The following DNAH8 variants were observed in gnomAD, a reference collection of about 807,000 sequenced individuals.
The protein encoded by DNAH8 is dynein axonemal heavy chain 8.
DNAH8 carries 382 observed loss-of-function variants against 562.1 expected under a neutral mutation model. The ratio of observed to expected loss-of-function variants is 0.68; its 90% confidence interval spans 0.63 to 0.74. The LOEUF is 0.74. Among genes scored for constraint, DNAH8 ranks in the 30% least tolerant of loss-of-function variants. The probability of loss-of-function intolerance (pLI) is 0.00; values close to 1 mark genes in which losing one functional copy is unlikely to be tolerated. For missense variants in DNAH8, 5,203 were observed against 5,620.4 expected (o/e 0.93, Z 2.37); for synonymous variants, 1,881 against 1,919.4 (o/e 0.98, Z 0.52).
At chr6:38,911,129 G>A (rs561759405) in intron 65 of DNAH8, among the ~76,000 whole-genome samples, 1 of 152,314 alleles carries the variant, frequency 6.6e-6, no homozygotes, top group South Asian at 2.1e-4. Flanking sequence ...GAACCTTAAA[G>A]TTTTGCACTG....
At chr6:38,920,153 C>T (rs1226742923) in intron 70 of DNAH8, among the ~76,000 whole-genome samples, 1 of 151,820 alleles carries the variant, frequency 6.6e-6, no homozygotes, top group Non-Finnish European at 1.5e-5. Flanking sequence ...TCATTCTGGC[C>T]CCCAGGCTGG....
rs182335901 is a variant in DNAH8 at position 38,938,800 on chromosome 6, C to T, written c.11819C>T (p.Ser3940Phe). Reference sequence around the variant, plus strand: ...TTGATTCTTAAAATGTGTTTCAGATCTGAAAAGTCACCACTACCTCAAAAG... The same window carrying T: ...TTGATTCTTAAAATGTGTTTCAGATTTGAAAAGTCACCACTACCTCAAAAG... Reference protein sequence around the residue: ...LKLFDQSMARSEKSPLPQKRI... With the variant: ...LKLFDQSMARFEKSPLPQKRI... The change falls in exon 79 of 93, where the codon TCT becomes TTT. Residue 3940 changes from serine to phenylalanine, a missense_variant and splice_region_variant. Ser to Phe is a radical substitution (Grantham distance 155, BLOSUM62 -2). Coordinates refer to ENST00000327475, the MANE Select transcript of DNAH8 (RefSeq NM_001206927.2). The T allele has an allele frequency of 2.5e-6, 4 of 1,593,516 alleles. No homozygotes were observed. The Admixed American group carries it at 7.2e-5, about 29-fold the overall frequency.
chr6:38,927,055 A>G lies in DNAH8; in HGVS notation c.11118+845A>G, dbSNP rs1272026249. On this transcript the variant is annotated intron_variant, in intron 74 of 92. Coordinates refer to ENST00000327475, the MANE Select transcript of DNAH8 (RefSeq NM_001206927.2). ...TTTTGGCCAAGTTTTATTCATCTTT[A>G]CATGTTCTGCACTGCTCTTTTTGAG... is the stretch of plus-strand genomic sequence containing the variant. Among the ~76,000 whole-genome samples the G allele has an allele frequency of 4.6e-5, 7 of 152,274 alleles. No individual in the cohort carries two copies. The East Asian group carries it at 1.4e-3, about 29-fold the overall frequency.
At position 38,915,492 on chromosome 6, in the gene DNAH8, C is replaced by G. The variant is rs367711474; in HGVS notation, c.10140+115C>G. 7.1e-5 allele frequency: 65 copies of G among 910,380 alleles called. No individual in the cohort carries two copies. The South Asian group carries it at 2.2e-3, about 31-fold the overall frequency. The allele number at this position is 910,380 out of a possible 1,614,324, so 56.4% of individuals were successfully genotyped here. The stretch of plus-strand genomic sequence containing the variant: ...GAATTCTTAATGTGATTGATAATCT[C>G]TGAGTCTGGAAACAAATGTGTCAAT... On this transcript the variant is annotated intron_variant, in intron 68 of 92. Transcript: ENST00000327475.
intron 38 of DNAH8, 104 bp from the exon 39 acceptor site, chr6:38,851,468 G>T: frequency 1.5e-6 from 1 of 674,988 alleles, no homozygotes; most frequent in Non-Finnish European, 2.5e-6. Flanking sequence ...TTAGGTGTTT[G>T]CTATTATCTT....
chr6:38,991,344 G>A (rs1764772418), intron 88 of DNAH8, among the ~76,000 whole-genome samples: 1 of 152,228 alleles, frequency 6.6e-6, no homozygotes, highest in African/African-American at 2.4e-5. Flanking sequence ...GTTCGTTAGT[G>A]GCAGCTCTTG....
chr6:38,794,730 A>G (rs1306193359), intron 21 of DNAH8, among the ~76,000 whole-genome samples: 1 of 152,208 alleles, frequency 6.6e-6, no homozygotes, highest in African/African-American at 2.4e-5. Flanking sequence ...GTTGTGACAC[A>G]TTCGTTCTTT....
chr6:38,826,415 T>A, intron 29 of DNAH8, 24 bp downstream of exon 29: 1 of 1,479,506 alleles, frequency 6.8e-7, no homozygotes, highest in East Asian at 2.3e-5. Flanking sequence ...GCATTTTTTT[T>A]TCTTGGAATG....
Position 39,030,285 on chromosome 6 carries a change from C to G in DNAH8, c.14017C>G (p.Pro4673Ala), listed in dbSNP as rs144993102. 2 of 1,614,124 alleles carry G rather than the reference C, an allele frequency of 1.2e-6. No homozygotes were observed. Among genetic ancestry groups the G allele is most frequent in the Admixed American group, 1.7e-5 (1 of 60,014 alleles). ...KLYVCPIYKK[P>A]RRTDLTFITV... ...GTATGTGTGTCCTATTTACAAGAAA[C>G]CCAGGCGAACTGATTTGACCTTCAT... The change falls in exon 93 of 93, where the codon CCC (proline) becomes GCC (alanine). Residue 4673 changes from proline (P) to alanine (A), a missense_variant. Pro to Ala is a conservative substitution (Grantham distance 27). Around this residue, in one of 6 missense-constraint regions of DNAH8, gnomAD observed 1,399 missense variants for 1,518.4 expected, o/e 0.92. Transcript: ENST00000327475.
chr6:39,013,854 AAGAGAGAGAGAG>A (rs771882353), intron 91 of DNAH8, among the ~76,000 whole-genome samples: 1 of 150,696 alleles, frequency 6.6e-6, no homozygotes, highest in African/African-American at 2.4e-5. Flanking sequence ...CTATCTAAAA[AAGAGAGAGAGAG>A]AGAGAAAGAG....
intron 58 of DNAH8, among the ~76,000 whole-genome samples, chr6:38,891,839 C>A (rs980409574): frequency 6.6e-6 from 1 of 152,198 alleles, no homozygotes; most frequent in Non-Finnish European, 1.5e-5. Flanking sequence ...TTGGATGTTT[C>A]CTGGCTCCAT....
rs771989611 is a variant in DNAH8, at chr6:38,873,081, C to G, written c.7413C>G (p.Ala2471=). The change falls in exon 51 of 93, where the codon GCC becomes GCG. Residue 2471 remains alanine, a synonymous_variant. Transcript: ENST00000327475. The part of the protein sequence containing the change: ...EVHNIENASP[A]TVSRMGMVYI... ...ACAATATCGAGAACGCCTCTCCTGC[C>G]ACGGTTTCTAGGATGGGCATGGTCT... 3.1e-6 allele frequency: 5 copies of G among 1,614,022 alleles called. No homozygotes were observed. The Admixed American group carries it at 5.0e-5, about 16-fold the overall frequency.
intron 9 of DNAH8, among the ~76,000 whole-genome samples, chr6:38,753,508 A>G (rs1461331669): frequency 2.0e-5 from 3 of 152,190 alleles, no homozygotes; most frequent in Non-Finnish European, 4.4e-5. Flanking sequence ...GATGAAGTGA[A>G]TATGGCACAA....
chr6:38,976,129 A>T (rs145132325), intron 85 of DNAH8, among the ~76,000 whole-genome samples: 1 of 152,330 alleles, frequency 6.6e-6, no homozygotes, highest in Non-Finnish European at 1.5e-5. Context: ...AAAATCAAAT[A>T]ATAGAGGGCT....
intron 11 of DNAH8, among the ~76,000 whole-genome samples, chr6:38,769,240 T>C (rs999429266): frequency 6.6e-6 from 1 of 152,224 alleles, no homozygotes; most frequent in Non-Finnish European, 1.5e-5. Context: ...TTTATTATAC[T>C]TTAAGTTCTG....
intron 10 of DNAH8, among the ~76,000 whole-genome samples, chr6:38,757,264 A>G (rs1766009152): frequency 6.6e-6 from 1 of 152,106 alleles, no homozygotes; most frequent in African/African-American, 2.4e-5. Flanking sequence ...CATTTCTCTG[A>G]TGGCCAGTGA....
chr6:38,965,797 C>T (rs952752402), intron 82 of DNAH8, among the ~76,000 whole-genome samples: 1 of 152,138 alleles, frequency 6.6e-6, no homozygotes, highest in Non-Finnish European at 1.5e-5. Context: ...GTCTCATTGG[C>T]CCCTTTCCTT....
intron 47 of DNAH8, among the ~76,000 whole-genome samples, chr6:38,867,248 T>TGTGTGTGC (rs1186836432): frequency 2.6e-5 from 4 of 151,770 alleles, no homozygotes; most frequent in Non-Finnish European, 5.9e-5. Context: ...TGTGTGTGTG[T>TGTGTGTGC]GTGTGTGTGT....
At chr6:38,986,825 G>A (rs1764430134) in intron 87 of DNAH8, among the ~76,000 whole-genome samples, 1 of 151,798 alleles carries the variant, frequency 6.6e-6, no homozygotes. Context: ...GCTGCAGCAG[G>A]GAAGAGTTTT....
Sources: allele counts gnomAD v4.1 joint callset (sites outside exome capture counted in the v4.1 genomes callset), GRCh38; gene constraint gnomAD v4.1.1; regional missense constraint gnomAD v4.1.1; transcripts MANE v1.5; gene names NCBI Gene and HGNC (gene_info 2026-07-23, HGNC 2026-07-21).